CYP27C1: variants seen among roughly 807,000 people sequenced by gnomAD.
The protein encoded by CYP27C1 is cytochrome P450 family 27 subfamily C member 1.
In CYP27C1, 29 loss-of-function variants were observed where a neutral mutation model predicts 40.6. The observed-to-expected ratio is 0.71, with a 90% CI of 0.53 to 0.97. The LOEUF is 0.97. CYP27C1 is among the 50% of genes least tolerant of loss of function. CYP27C1 has a pLI of 0.00. For synonymous variants in CYP27C1, 198 were observed against 186.8 expected (o/e 1.06, Z -0.49); for missense variants, 390 against 485.8 (o/e 0.80, Z 1.85).
rs933476821 is a variant in CYP27C1, at chr2:127,203,660, A to G, written c.474-89T>C. 1.6e-5 allele frequency: 22 copies of G among 1,384,732 alleles called. No individual in the cohort carries two copies. In the Middle Eastern group the frequency reaches 7.0e-4, roughly 44 times the overall value. 85.8% of individuals were successfully genotyped at this position (1,384,732 alleles called of 1,614,324 possible). ...GGAACCTCTAGAAAAAATTTCAGCC[A>G]TAAAGAATCAACAAGAGCTGCCCAA... On this transcript the variant is annotated intron_variant, in intron 2 of 8. Transcript: ENST00000664447.
In CYP27C1 at chr2:127,201,476, C is replaced by G. The variant is rs1052402224; in HGVS notation, c.674-145G>C. 6 of 753,698 alleles carry G rather than the reference C, an allele frequency of 8.0e-6. No homozygotes were observed. In the African/African-American group the frequency reaches 1.1e-4, roughly 13 times the overall value. The allele number at this position is 753,698 out of a possible 1,614,324, so 46.7% of individuals were successfully genotyped here. On this transcript the variant is annotated intron_variant, in intron 3 of 8. Coordinates refer to ENST00000664447, the MANE Select transcript of CYP27C1 (RefSeq NM_001367502.1). This position sits in a 1 kb window ranked among gnomAD's most constrained non-coding sequence, Gnocchi z 6.0. ...CGTCCCTCTGAGGATTTCTCTGCATCCTGAACTGCAGGGTGCTGGCATTTA... is the reference window on the plus strand; with the variant it reads ...CGTCCCTCTGAGGATTTCTCTGCATGCTGAACTGCAGGGTGCTGGCATTTA...
At position 127,195,786 on chromosome 2, in the gene CYP27C1, T is replaced by C. The variant is rs754305216; in HGVS notation, c.1048-285A>G. 6.6e-6 allele frequency among the ~76,000 whole-genome samples: 1 copy of C among 152,196 alleles called. No individual in the cohort carries two copies. The highest frequency in any genetic ancestry group is 6.5e-5 in the Admixed American group (1 of 15,276). On this transcript the variant is annotated intron_variant, in intron 5 of 8. Coordinates refer to ENST00000664447, the MANE Select transcript of CYP27C1 (RefSeq NM_001367502.1). The surrounding 1 kb of genome is among the most constrained non-coding windows in gnomAD (Gnocchi z 6.2). ...CCACAGGAAAAATGATCCTGGAGCT[T>C]TTTTTAATCACTGAAGAGCAATATG... is the stretch of plus-strand genomic sequence containing the variant.
chr2:127,204,489 G>GAAAGAAAGAAAGAAAGA lies in CYP27C1; in HGVS notation c.474-919_474-918insTCTTTCTTTCTTTCTTT, dbSNP rs1558931107. ...GAAAGAAAGAAAGAAAGAAAGAAAGGAAGGAAGGAAGGAAGGAAAGAAAGA... is the reference window on the plus strand; with the variant it reads ...GAAAGAAAGAAAGAAAGAAAGAAAGGAAAGAAAGAAAGAAAGAAAGGAAGGAAGGAAGGAAAGAAAGA... On this transcript the variant is annotated intron_variant, in intron 2 of 8. Transcript: ENST00000664447. 3.3e-4 allele frequency among the ~76,000 whole-genome samples: 10 copies of GAAAGAAAGAAAGAAAGA among 29,950 alleles called. No individual in the cohort carries two copies. The East Asian group carries it at 4.7e-3, about 14-fold the overall frequency. 19.6% of individuals were successfully genotyped at this position (29,950 alleles called of 152,430 possible).
chr2:127,202,422 A>T (rs1258155609), intron 3 of CYP27C1, among the ~76,000 whole-genome samples: 1 of 152,072 alleles, frequency 6.6e-6, no homozygotes, highest in Non-Finnish European at 1.5e-5. Context: ...CACCGCACCC[A>T]GCCCCAAGAT....
Position 127,187,197 on chromosome 2 carries a change from G to T in CYP27C1, c.*74C>A. 8.7e-7 allele frequency: 1 copy of T among 1,143,654 alleles called. No individual in the cohort carries two copies. Among genetic ancestry groups the T allele is most frequent in the East Asian group, 2.5e-5 (1 of 40,512 alleles). The allele number at this position is 1,143,654 out of a possible 1,614,324, so 70.8% of individuals were successfully genotyped here. ...CGACATCGCTTTCCTTCTCCACGGT[G>T]ATCAGCGAACACAAATACCCACTGT... On this transcript the variant is annotated 3_prime_UTR_variant, in exon 9 of 9. Coordinates refer to ENST00000664447, the MANE Select transcript of CYP27C1 (RefSeq NM_001367502.1).
rs1683019741 is a variant in CYP27C1 at position 127,201,025 on chromosome 2, C to A, written c.883+97G>T. 3 of 1,227,782 alleles carry A rather than the reference C, an allele frequency of 2.4e-6. No homozygotes were observed. The highest frequency in any genetic ancestry group is 1.4e-5 in the South Asian group (1 of 72,992). 76.1% of individuals were successfully genotyped at this position (1,227,782 alleles called of 1,614,324 possible). A position where few individuals can be genotyped will look rare whatever the true frequency, so the allele number is the denominator to read the frequency against. Reference sequence around the variant, plus strand: ...CTAACACGTGACTACATCTAGGCATCCTCTGCTATGGTCACCCATTGTCTG... The same window carrying A: ...CTAACACGTGACTACATCTAGGCATACTCTGCTATGGTCACCCATTGTCTG... On this transcript the variant is annotated intron_variant, in intron 4 of 8. Coordinates refer to ENST00000664447, the MANE Select transcript of CYP27C1 (RefSeq NM_001367502.1). The surrounding 1 kb of genome is among the most constrained non-coding windows in gnomAD (Gnocchi z 6.0).
At chr2:127,192,486 G>A (rs1160943214) in intron 8 of CYP27C1, among the ~76,000 whole-genome samples, 2 of 152,244 alleles carry the variant, frequency 1.3e-5, no homozygotes, top group Non-Finnish European at 2.9e-5. Flanking sequence ...ATCTTCACAT[G>A]TAAGGTGTTC....
chr2:127,189,173 C>G (rs889556951), intron 8 of CYP27C1, among the ~76,000 whole-genome samples: 1 of 150,818 alleles, frequency 6.6e-6, no homozygotes, highest in Non-Finnish European at 1.5e-5. Context: ...ACACTGCCCC[C>G]CCCCTCCGCC....
In CYP27C1 at chr2:127,201,799, C is replaced by A. The variant is rs1683041205; in HGVS notation, c.674-468G>T. Among the ~76,000 whole-genome samples, 1 of 152,164 alleles carries A rather than the reference C, an allele frequency of 6.6e-6. No individual in the cohort carries two copies. Reference sequence around the variant, plus strand: ...GCCCCACCTGGCCACTGGGGATCGCCTTCCAGCCACTTGCCCAACTTGAGG... The same window carrying A: ...GCCCCACCTGGCCACTGGGGATCGCATTCCAGCCACTTGCCCAACTTGAGG... On this transcript the variant is annotated intron_variant, in intron 3 of 8. Transcript: ENST00000664447. The surrounding 1 kb of genome is among the most constrained non-coding windows in gnomAD (Gnocchi z 6.0).
intron 1 of CYP27C1, among the ~76,000 whole-genome samples, chr2:127,206,919 A>T (rs1683239762): frequency 1.3e-5 from 2 of 152,236 alleles, no homozygotes; most frequent in East Asian, 1.9e-4. Context: ...AATCCTACGG[A>T]ACCTACTAAA....
chr2:127,206,848 G>C (rs1683238286), intron 1 of CYP27C1, among the ~76,000 whole-genome samples: 1 of 152,116 alleles, frequency 6.6e-6, no homozygotes, highest in Non-Finnish European at 1.5e-5. Context: ...AAGACATCTG[G>C]ATTGGAAATG....
chr2:127,199,467 C>T lies in CYP27C1; in HGVS notation c.956G>A (p.Gly319Glu). Residue 319 changes from glycine (G) to glutamate (E), a missense_variant, in exon 5 of 9, where the codon GGA (glycine) becomes GAA (glutamate). Gly to Glu is a moderately conservative substitution (Grantham distance 98, BLOSUM62 -2). Transcript: ENST00000664447. ...QMDRGRRVSG[G>E]LLTYLFLSQA... is the part of the protein sequence containing the mutation. ...GCTAAGGAAGAGGTATGTGAGAAGT[C>T]CCCCGCTCACCCTCCGGCCTCGGTC... 1 of 1,614,208 alleles carries T rather than the reference C, an allele frequency of 6.2e-7. No homozygotes were observed. The highest frequency in any genetic ancestry group is 8.5e-7 in the Non-Finnish European group (1 of 1,180,034).
chr2:127,204,391 A>G (rs28457590), intron 2 of CYP27C1, among the ~76,000 whole-genome samples: 2 of 114,700 alleles, frequency 1.7e-5, no homozygotes, highest in Non-Finnish European at 3.6e-5. Context: ...AAGAAAGAAA[A>G]GAAAGAGAGA....
At position 127,193,076 on chromosome 2, in the gene CYP27C1, T is replaced by G. The variant is rs1233549265; in HGVS notation, c.1497+18A>C. ...AGAGGCCGAACCCAAAGGCCAACGT[T>G]TGGCCTCCACGCCCTACCTGGATCA... On this transcript the variant is annotated intron_variant, in intron 8 of 8. Coordinates refer to ENST00000664447, the MANE Select transcript of CYP27C1 (RefSeq NM_001367502.1). 1 of 1,613,754 alleles carries G rather than the reference T, an allele frequency of 6.2e-7. No individual in the cohort carries two copies. Among genetic ancestry groups the G allele is most frequent in the Non-Finnish European group, 8.5e-7 (1 of 1,179,902 alleles).
chr2:127,188,457 T>G (rs115688793), intron 8 of CYP27C1, among the ~76,000 whole-genome samples: 3,806 of 152,272 alleles, frequency 0.025, 165 homozygotes, highest in African/African-American at 0.085. Flanking sequence ...AGGCTGCTCC[T>G]GAACTCCTAA....
At position 127,218,904 on chromosome 2, in the gene CYP27C1, G is replaced by A. The variant is rs1311664558; in HGVS notation, c.282+1085C>T. Among the ~76,000 whole-genome samples, 1 of 152,218 alleles carries A rather than the reference G, an allele frequency of 6.6e-6. No individual in the cohort carries two copies. Among genetic ancestry groups the A allele is most frequent in the African/African-American group, 2.4e-5 (1 of 41,458 alleles). On this transcript the variant is annotated intron_variant, in intron 1 of 8. Transcript: ENST00000664447. This position sits in a 1 kb window ranked among gnomAD's most constrained non-coding sequence, Gnocchi z 6.0. The stretch of plus-strand genomic sequence containing the variant: ...TCGGGTGCAGTGCCCCTGCCACGAA[G>A]GGCGCAACGGAGGTGGGCGTGGGAA...
chr2:127,188,054 C>T (rs1179645488), intron 8 of CYP27C1, among the ~76,000 whole-genome samples: 1 of 152,174 alleles, frequency 6.6e-6, no homozygotes, highest in Admixed American at 6.5e-5. Flanking sequence ...AAAGTCAGCC[C>T]TGGGCTTAGG....
chr2:127,195,019 G>A lies in CYP27C1; in HGVS notation c.1214+316C>T, dbSNP rs775435612. 2.0e-5 allele frequency among the ~76,000 whole-genome samples: 3 copies of A among 151,930 alleles called. No individual in the cohort carries two copies. Among genetic ancestry groups the A allele is most frequent in the Non-Finnish European group, 2.9e-5 (2 of 68,006 alleles). Reference sequence around the variant, plus strand: ...TAATTTTTGTATTTTTAGTAGAGACGCAGTTTCACCATGTTGGCCAGGCTG... The same window carrying A: ...TAATTTTTGTATTTTTAGTAGAGACACAGTTTCACCATGTTGGCCAGGCTG... On this transcript the variant is annotated intron_variant, in intron 6 of 8. Coordinates refer to ENST00000664447, the MANE Select transcript of CYP27C1 (RefSeq NM_001367502.1). The surrounding 1 kb of genome is among the most constrained non-coding windows in gnomAD (Gnocchi z 6.2).
rs1558922701 is a variant in CYP27C1, at chr2:127,185,442, C to T, written c.*1829G>A. On this transcript the variant is annotated 3_prime_UTR_variant, in exon 9 of 9. Transcript: ENST00000664447. This position sits in a 1 kb window ranked among gnomAD's most constrained non-coding sequence, Gnocchi z 4.9. The stretch of plus-strand genomic sequence containing the variant: ...GGGAATAAGAGGTCACTTCAAGTCG[C>T]TTAGTTATTCTCAATATTTTTAAAT... 2 of 152,188 alleles carry T rather than the reference C, an allele frequency of 1.3e-5. No homozygotes were observed. Among genetic ancestry groups the T allele is most frequent in the African/African-American group, 4.8e-5 (2 of 41,432 alleles). The allele number at this position is 152,188 out of a possible 1,614,324, so 9.4% of individuals were successfully genotyped here.
Sources: gnomAD v4.1 joint callset for allele counts (sites outside exome capture counted in the v4.1 genomes callset) on GRCh38, gnomAD v4.1.1 for gene constraint, Gnocchi (gnomAD v3.1) non-coding constraint, MANE v1.5 for transcripts, NCBI Gene and HGNC (gene_info 2026-07-23, HGNC 2026-07-21) for gene names.